Variants in TRPV6 observed in about 807,000 individuals in gnomAD.
TRPV6 encodes the protein Alu-binding protein with zinc finger domain.
TRPV6 carries 39 observed loss-of-function variants against 79.0 expected under a neutral mutation model. The observed-to-expected ratio is 0.49, with a 90% CI of 0.38 to 0.64. TRPV6 has a LOEUF of 0.64. Ranked by LOEUF, TRPV6 falls within the 30% of genes least tolerant of loss-of-function variation. TRPV6 has a pLI of 0.00. For missense variants in TRPV6, 813 were observed against 1,011.1 expected (o/e 0.80, Z 2.66); for synonymous variants, 373 against 391.9 (o/e 0.95, Z 0.57).
intron 1 of TRPV6, chr7:142,884,688 C>T (rs1484957389): frequency 6.6e-6 from 1 of 152,198 alleles, no homozygotes; most frequent in Non-Finnish European, 1.5e-5. Flanking sequence ...ATTTCCACCA[C>T]CTGAATGCGG....
Position 142,873,575 on chromosome 7 carries a change from A to G in TRPV6, c.1781T>C (p.Met594Thr), listed in dbSNP as rs922022932. Residue 594 changes from methionine (M) to threonine (T), a missense_variant, in exon 13 of 15, where the codon ATG becomes ACG. Physicochemically the swap from Met to Thr is moderately conservative, Grantham distance 81 (BLOSUM62 -1). This residue lies in a region of TRPV6 where 94 missense variants were observed against 194.0 expected (regional missense o/e 0.48). Transcript: ENST00000359396. The surrounding 1 kb of genome is among the most constrained non-coding windows in gnomAD (Gnocchi z 4.8). ...AAAGGCAGCATAGGTGATGCTGTAC[A>G]TGAAGGGCAGGTCCACGTTGTAGTT... The G allele has an allele frequency of 7.4e-6, 12 of 1,614,234 alleles. No individual in the cohort carries two copies. Among genetic ancestry groups the G allele is most frequent in the Non-Finnish European group, 8.5e-6 (10 of 1,180,044 alleles).
intron 11 of TRPV6, 26 bp downstream of exon 11, chr7:142,874,465 C>G: frequency 6.2e-7 from 1 of 1,613,248 alleles, no homozygotes; most frequent in Non-Finnish European, 8.5e-7. Context: ...GGGCCTTTCT[C>G]TAGGGAGCTT....
chr7:142,877,866 A>T, intron 2 of TRPV6, 63 bp downstream of exon 2: 2 of 1,611,776 alleles, frequency 1.2e-6, no homozygotes, highest in Admixed American at 1.7e-5. Flanking sequence ...GGTCCTGGGC[A>T]CTCCTGGGAG....
chr7:142,877,597 T>C, intron 3 of TRPV6, 54 bp downstream of exon 3: 3 of 1,586,886 alleles, frequency 1.9e-6, no homozygotes, highest in Non-Finnish European at 2.6e-6. Context: ...GAGACTGACT[T>C]GAAATACCCA....
At chr7:142,875,422 G>C (rs765516190) in intron 8 of TRPV6, 46 bp downstream of exon 8, 2 of 1,519,024 alleles carry the variant, frequency 1.3e-6, no homozygotes, top group Non-Finnish European at 1.8e-6. Context: ...TCTGAGGACA[G>C]AGAGCCAAGT....
Position 142,885,669 on chromosome 7 carries a change from G to C in TRPV6, c.-33C>G. On this transcript the variant is annotated 5_prime_UTR_variant, in exon 1 of 15. Transcript: ENST00000359396. ...CTCCTGCCTTCCTGACGAGTTCCTT[G>C]GGAGTCTCCCAGCAGCCCCAGCCAG... 9.1e-7 allele frequency: 1 copy of C among 1,098,078 alleles called. No individual in the cohort carries two copies. The highest frequency in any genetic ancestry group is 1.3e-6 in the Non-Finnish European group (1 of 794,770). The allele number at this position is 1,098,078 out of a possible 1,614,324, so 68.0% of individuals were successfully genotyped here. A position where few individuals can be genotyped will look rare whatever the true frequency, so the allele number is the denominator to read the frequency against.
chr7:142,883,035 C>G (rs936570614), intron 1 of TRPV6: 2 of 152,174 alleles, frequency 1.3e-5, no homozygotes, highest in Non-Finnish European at 2.9e-5. Context: ...CTACTAAGCC[C>G]ATCTTTAGCC....
chr7:142,873,067 C>T lies in TRPV6; in HGVS notation c.1908+381G>A, dbSNP rs1235706211. ...TTTTGGTGGCATTACTTTTTTAACA[C>T]ATCCTGCTTTCCATATCAAATTTTG... On this transcript the variant is annotated intron_variant, in intron 13 of 14. Transcript: ENST00000359396. This position sits in a 1 kb window ranked among gnomAD's most constrained non-coding sequence, Gnocchi z 4.8. Among the ~76,000 whole-genome samples the T allele has an allele frequency of 2.0e-5, 3 of 152,212 alleles. No individual in the cohort carries two copies. In the East Asian group the frequency reaches 5.8e-4, roughly 29 times the overall value.
intron 1 of TRPV6, chr7:142,883,139 G>A (rs764693284): frequency 5.3e-5 from 8 of 152,178 alleles, no homozygotes; most frequent in African/African-American, 9.7e-5. Flanking sequence ...AAGGTGGAGT[G>A]CCTTATGTTC....
rs768776086 is a variant in TRPV6 at position 142,885,599 on chromosome 7, C to T, written c.38G>A (p.Gly13Glu). 8 of 1,490,904 alleles carry T rather than the reference C, an allele frequency of 5.4e-6. No individual in the cohort carries two copies. Among genetic ancestry groups the T allele is most frequent in the Non-Finnish European group, 7.2e-6 (8 of 1,118,366 alleles). 92.4% of individuals were successfully genotyped at this position (1,490,904 alleles called of 1,614,324 possible). ...CAGCCTTGGGGCCACATCAGCCCCC[C>T]CAAGGGCCGGCCCACCGTCTCCCTG... The change falls in exon 1 of 15, where the codon GGG (glycine) becomes GAG (glutamate). Residue 13 changes from glycine to glutamate, a missense_variant. This residue lies in a region of TRPV6 where 555 missense variants were observed against 631.0 expected (regional missense o/e 0.88). Transcript: ENST00000359396.
In TRPV6 at chr7:142,873,372, T is replaced by C; in HGVS notation, c.1908+76A>G. 1.9e-6 allele frequency: 3 copies of C among 1,574,368 alleles called. No individual in the cohort carries two copies. The highest frequency in any genetic ancestry group is 2.6e-6 in the Non-Finnish European group (3 of 1,156,726). On this transcript the variant is annotated intron_variant, in intron 13 of 14. Transcript: ENST00000359396. The surrounding 1 kb of genome is among the most constrained non-coding windows in gnomAD (Gnocchi z 4.8). ...AAACATAAGTGGGGTGGAGATATCC[T>C]GTCTCTCAGCTTGGCAGGTTCCTTG...
chr7:142,872,523 C>T (rs1794965495), intron 13 of TRPV6, 45 bp from the exon 14 acceptor site: 5 of 1,574,956 alleles, frequency 3.2e-6, no homozygotes, highest in Non-Finnish European at 4.3e-6. Flanking sequence ...AGGCTGGGCG[C>T]AGACAGAGGT....
intron 1 of TRPV6, chr7:142,880,836 G>T (rs970355864): frequency 1.3e-5 from 2 of 152,102 alleles, no homozygotes; most frequent in Non-Finnish European, 2.9e-5. Context: ...GCAATATTGG[G>T]GATACACTTA....
chr7:142,885,605 GC>G lies in TRPV6; in HGVS notation c.31del (p.Ala11ProfsTer11). The stretch of plus-strand genomic sequence containing the variant: ...TGGGGCCACATCAGCCCCCCCAAGG[GC>G]CGGCCCACCGTCTCCCTGTAGAGGT... On this transcript the variant is annotated frameshift_variant, in exon 1 of 15. Transcript: ENST00000359396. LOFTEE classifies it high-confidence loss of function. 1 of 1,484,254 alleles carries G rather than the reference GC, an allele frequency of 6.7e-7. No individual in the cohort carries two copies. The highest frequency in any genetic ancestry group is 1.4e-5 in the African/African-American group (1 of 70,860). The allele number at this position is 1,484,254 out of a possible 1,614,324, so 91.9% of individuals were successfully genotyped here. A position where few individuals can be genotyped will look rare whatever the true frequency, so the allele number is the denominator to read the frequency against.
chr7:142,879,003 T>C (rs1317054614), intron 1 of TRPV6: 2 of 152,174 alleles, frequency 1.3e-5, no homozygotes, highest in Non-Finnish European at 2.9e-5. Flanking sequence ...TCCAAACAGC[T>C]CACATTAAAG....
In TRPV6 at chr7:142,885,742, C is replaced by G. The variant is rs546128346; in HGVS notation, c.-106G>C. ...TTACACTTGGCAGAGCCAGCCAGGA[C>G]TCTGCAGGGCTGGCCTGTCTGGAGC... On this transcript the variant is annotated 5_prime_UTR_variant, in exon 1 of 15. Transcript: ENST00000359396. The G allele has an allele frequency of 2.3e-5, 12 of 512,070 alleles. No individual in the cohort carries two copies. In the East Asian group the frequency reaches 2.6e-4, roughly 11 times the overall value. 31.7% of individuals were successfully genotyped at this position (512,070 alleles called of 1,614,324 possible).
chr7:142,874,073 T>TTC lies in TRPV6; in HGVS notation c.1639+2_1639+3insGA. On this transcript the variant is annotated splice_region_variant and intron_variant, in intron 12 of 14. Transcript: ENST00000359396. Reference sequence around the variant, plus strand: ...TGGCCCCTGGTCCTGGACAGATGATTACCTGAAGCAAAGCCCAGGATGACC... The same window carrying TTC: ...TGGCCCCTGGTCCTGGACAGATGATTTCACCTGAAGCAAAGCCCAGGATGACC... 2 of 1,613,436 alleles carry TTC rather than the reference T, an allele frequency of 1.2e-6. No homozygotes were observed. Among genetic ancestry groups the TTC allele is most frequent in the Middle Eastern group, 1.6e-4 (1 of 6,062 alleles).
chr7:142,876,292 A>G, intron 6 of TRPV6, 116 bp downstream of exon 6: 1 of 1,434,250 alleles, frequency 7.0e-7, no homozygotes, highest in South Asian at 1.4e-5. Context: ...AAAATTTCTG[A>G]GTTGAGAATG....
At chr7:142,876,039 G>A in intron 6 of TRPV6, 135 bp from the exon 7 acceptor site, 3 of 974,322 alleles carry the variant, frequency 3.1e-6, no homozygotes, top group Admixed American at 2.7e-5. Flanking sequence ...AGCCTTTAGA[G>A]GGCAGAAGAA....
Sources: gnomAD v4.1 joint callset for allele counts (sites outside exome capture counted in the v4.1 genomes callset) on GRCh38, gnomAD v4.1.1 for gene constraint, gnomAD v4.1.1 regional missense constraint, Gnocchi (gnomAD v3.1) non-coding constraint, MANE v1.5 for transcripts, NCBI Gene and HGNC (gene_info 2026-07-23, HGNC 2026-07-21) for gene names.